Variants in MAD1L1 observed in about 807,000 individuals in gnomAD.
MAD1L1 encodes the protein mitotic arrest deficient 1 like 1.
A neutral mutation model predicts 96.9 loss-of-function variants in MAD1L1; 95 were observed. The observed-to-expected ratio is 0.98, with a 90% confidence interval of 0.83 to 1.16. MAD1L1 has a LOEUF of 1.16. Among genes scored for constraint, MAD1L1 ranks in the 50% most tolerant of loss-of-function variants. The pLI is 0.00. For synonymous variants in MAD1L1, 473 were observed against 396.6 expected (o/e 1.19, Z -2.29); for missense variants, 1,007 against 954.4 (o/e 1.06, Z -0.73).
Position 1,874,497 on chromosome 7 carries a change from T to C in MAD1L1, c.1998+23703A>G, listed in dbSNP as rs1417947812. 8.8e-6 allele frequency: 4 copies of C among 454,406 alleles called. 1 individual carries two copies. Among genetic ancestry groups the C allele is most frequent in the South Asian group, 4.7e-5 (3 of 64,262 alleles). 28.1% of individuals were successfully genotyped at this position (454,406 alleles called of 1,614,324 possible). Reference sequence around the variant, plus strand: ...GAGGCGGAGGGCTGACCTTTTGATCTTGATAATCCTATAGCTTTCCGCACA... The same window carrying C: ...GAGGCGGAGGGCTGACCTTTTGATCCTGATAATCCTATAGCTTTCCGCACA... On this transcript the variant is annotated intron_variant, in intron 18 of 18. Coordinates refer to ENST00000265854, the MANE Select transcript of MAD1L1 (RefSeq NM_001013836.2).
At chr7:1,984,461 C>A (rs1490759968) in intron 14 of MAD1L1, among the ~76,000 whole-genome samples, 1 of 152,134 alleles carries the variant, frequency 6.6e-6, no homozygotes, top group Non-Finnish European at 1.5e-5. Flanking sequence ...ATTCTTTGCC[C>A]ACTTGCTATA....
intron 11 of MAD1L1, among the ~76,000 whole-genome samples, chr7:2,127,006 T>C (rs542166821): frequency 1.4e-3 from 219 of 152,300 alleles, no homozygotes; most frequent in African/African-American, 5.2e-3. Context: ...GTGAGTTCAG[T>C]CACGAAGCAC....
chr7:2,170,178 A>G (rs973631165), intron 10 of MAD1L1, among the ~76,000 whole-genome samples: 50 of 152,166 alleles, frequency 3.3e-4, no homozygotes, highest in Non-Finnish European at 5.9e-5. Flanking sequence ...AGCCACGTGA[A>G]GCAGCTCGTC....
chr7:2,080,646 C>T (rs1785594995), intron 11 of MAD1L1, among the ~76,000 whole-genome samples: 2 of 152,040 alleles, frequency 1.3e-5, no homozygotes, highest in Non-Finnish European at 2.9e-5. Flanking sequence ...TGGGCTCTGA[C>T]GCCAAGTCCA....
intron 18 of MAD1L1, among the ~76,000 whole-genome samples, chr7:1,818,432 G>A (rs1781942821): frequency 6.6e-6 from 1 of 152,086 alleles, no homozygotes; most frequent in South Asian, 2.1e-4. Context: ...CACCCAGGCT[G>A]GAGTGCAGTG....
At chr7:1,928,919 T>C (rs1289086344) in intron 17 of MAD1L1, among the ~76,000 whole-genome samples, 18 of 152,092 alleles carry the variant, frequency 1.2e-4, no homozygotes, top group Non-Finnish European at 1.5e-5. Flanking sequence ...AGGCCACCTG[T>C]GGGGCCAGCG....
chr7:2,089,508 G>C (rs1786097885), intron 11 of MAD1L1, among the ~76,000 whole-genome samples: 1 of 152,160 alleles, frequency 6.6e-6, no homozygotes, highest in African/African-American at 2.4e-5. Flanking sequence ...AAACCTTTTT[G>C]TATTTCCAGT....
At chr7:2,118,887 AGAG>A (rs990058432) in intron 11 of MAD1L1, among the ~76,000 whole-genome samples, 5 of 152,164 alleles carry the variant, frequency 3.3e-5, no homozygotes, top group Non-Finnish European at 5.9e-5. Flanking sequence ...GCCTGCTCTC[AGAG>A]GAGAAGCCAC....
chr7:2,099,087 C>T (rs1267183734), intron 11 of MAD1L1, among the ~76,000 whole-genome samples: 8 of 152,210 alleles, frequency 5.3e-5, no homozygotes, highest in South Asian at 2.1e-4. Flanking sequence ...CCCCAGTGCA[C>T]GTGGCTGAAG....
intron 17 of MAD1L1, among the ~76,000 whole-genome samples, chr7:1,900,948 C>A (rs921973014): frequency 6.6e-6 from 1 of 152,058 alleles, no homozygotes; most frequent in Non-Finnish European, 1.5e-5. Flanking sequence ...GAGGCGAGAC[C>A]ACCACCCATG....
chr7:1,916,609 T>A (rs1025668269), intron 17 of MAD1L1, among the ~76,000 whole-genome samples: 23 of 152,090 alleles, frequency 1.5e-4, no homozygotes, highest in African/African-American at 4.8e-4. Flanking sequence ...GGACTACGCA[T>A]ACCCTCCAGG....
intron 18 of MAD1L1, among the ~76,000 whole-genome samples, chr7:1,892,524 A>C (rs913648074): frequency 6.6e-6 from 1 of 152,182 alleles, no homozygotes; most frequent in African/African-American, 2.4e-5. Context: ...ATTCATCCCT[A>C]ATCTGAAAAT....
chr7:2,135,713 C>G (rs1017342320), intron 11 of MAD1L1, among the ~76,000 whole-genome samples: 3 of 152,216 alleles, frequency 2.0e-5, no homozygotes, highest in Non-Finnish European at 4.4e-5. Flanking sequence ...CGCCACCTCT[C>G]ACGGCCACAT....
At chr7:1,825,858 T>C (rs1782360784) in intron 18 of MAD1L1, among the ~76,000 whole-genome samples, 2 of 151,238 alleles carry the variant, frequency 1.3e-5, no homozygotes, top group Admixed American at 6.6e-5. Flanking sequence ...GGGTTGGAGG[T>C]CAGCATAGTC....
intron 16 of MAD1L1, among the ~76,000 whole-genome samples, chr7:1,954,194 A>G (rs1779625634): frequency 6.6e-6 from 1 of 152,218 alleles, no homozygotes; most frequent in Non-Finnish European, 1.5e-5. Flanking sequence ...AGGAATGGCC[A>G]CCATGCAGGC....
intron 12 of MAD1L1, among the ~76,000 whole-genome samples, chr7:2,060,757 G>T (rs1223770853): frequency 6.6e-6 from 1 of 152,242 alleles, no homozygotes; most frequent in African/African-American, 2.4e-5. Context: ...TCAACAGCAT[G>T]TTTCACAGAA....
chr7:1,943,721 C>A (rs998305285), intron 16 of MAD1L1, among the ~76,000 whole-genome samples: 1 of 141,292 alleles, frequency 7.1e-6, no homozygotes, highest in East Asian at 2.1e-4. Flanking sequence ...TCCAGCAGGC[C>A]CAGTCCCAGG....
chr7:2,066,126 C>T (rs918754101), intron 12 of MAD1L1, among the ~76,000 whole-genome samples: 4 of 152,220 alleles, frequency 2.6e-5, no homozygotes, highest in African/African-American at 9.6e-5. Context: ...AATAAAACCA[C>T]ACACTCCAAG....
At chr7:1,900,373 G>A (rs910778267) in intron 17 of MAD1L1, among the ~76,000 whole-genome samples, 7 of 152,196 alleles carry the variant, frequency 4.6e-5, no homozygotes, top group Non-Finnish European at 7.3e-5. Context: ...GGGCCCTGGC[G>A]CCCATCCACC....
Sources: allele counts gnomAD v4.1 joint callset (sites outside exome capture counted in the v4.1 genomes callset), GRCh38; gene constraint gnomAD v4.1.1; transcripts MANE v1.5; gene names NCBI Gene and HGNC (gene_info 2026-07-23, HGNC 2026-07-21).